GLYR1: variants seen among roughly 807,000 people sequenced by gnomAD.
GLYR1 encodes cytokine-like nuclear factor N-PAC.
Under a neutral mutation model 72.7 loss-of-function variants are expected in GLYR1, and 21 were observed. That is an observed-to-expected ratio of 0.29 (90% CI 0.20 to 0.42). The LOEUF is 0.42. GLYR1 is among the 10% of genes least tolerant of loss of function. The probability of loss-of-function intolerance (pLI) is 1.00; values close to 1 mark genes in which losing one functional copy is unlikely to be tolerated. For missense variants in GLYR1, 594 were observed against 712.1 expected (o/e 0.83, Z 1.89); for synonymous variants, 392 against 270.2 (o/e 1.45, Z -4.42).
At chr16:4,829,675 A>AC (rs2084660472) in intron 5 of GLYR1, among the ~76,000 whole-genome samples, 1 of 140,324 alleles carries the variant, frequency 7.1e-6, no homozygotes, top group Non-Finnish European at 1.6e-5. Flanking sequence ...TTTATATTAA[A>AC]TTTTTTTTTT....
chr16:4,805,456 T>C (rs2082911988), intron 15 of GLYR1, 146 bp from the exon 16 acceptor site: 2 of 693,774 alleles, frequency 2.9e-6, no homozygotes, highest in East Asian at 2.7e-5. Flanking sequence ...TGACCTTGCA[T>C]GAAGCACCTC....
chr16:4,837,252 C>T (rs1456083601), intron 3 of GLYR1, among the ~76,000 whole-genome samples: 1 of 151,826 alleles, frequency 6.6e-6, no homozygotes, highest in Non-Finnish European at 1.5e-5. Context: ...GCCAACATGG[C>T]GAAACCCCAT....
At chr16:4,817,328 C>A (rs1432664589) in intron 10 of GLYR1, among the ~76,000 whole-genome samples, 1 of 151,938 alleles carries the variant, frequency 6.6e-6, no homozygotes, top group Non-Finnish European at 1.5e-5. Context: ...ACCGTGTTAG[C>A]CAGGATGGTC....
intron 12 of GLYR1, among the ~76,000 whole-genome samples, chr16:4,812,455 G>C (rs911214543): frequency 1.5e-4 from 23 of 152,004 alleles, no homozygotes; most frequent in Admixed American, 9.8e-4. Flanking sequence ...CAGCAGTGAT[G>C]AGACGCTGGG....
intron 5 of GLYR1, among the ~76,000 whole-genome samples, chr16:4,825,469 T>C (rs1277044341): frequency 2.0e-5 from 3 of 152,226 alleles, no homozygotes; most frequent in Non-Finnish European, 4.4e-5. Flanking sequence ...AAATGTCACC[T>C]TATCAGAGTG....
chr16:4,814,701 C>A, intron 10 of GLYR1, 54 bp from the exon 11 acceptor site: 2 of 1,353,850 alleles, frequency 1.5e-6, no homozygotes, highest in South Asian at 1.2e-5. Context: ...AACAAACATG[C>A]CAGCCAGGCC....
chr16:4,812,888 C>T (rs1274024937), intron 12 of GLYR1, among the ~76,000 whole-genome samples: 1 of 150,632 alleles, frequency 6.6e-6, no homozygotes, highest in South Asian at 2.1e-4. Context: ...ACTCTGCCTC[C>T]CGGGTTCATG....
chr16:4,822,174 C>T (rs183465751), intron 7 of GLYR1, among the ~76,000 whole-genome samples: 2 of 152,338 alleles, frequency 1.3e-5, no homozygotes, highest in Non-Finnish European at 1.5e-5. Flanking sequence ...GCAACCTTTA[C>T]CTCCTGGGTT....
chr16:4,822,364 G>C (rs920638557), intron 7 of GLYR1, among the ~76,000 whole-genome samples: 12 of 151,990 alleles, frequency 7.9e-5, no homozygotes, highest in Non-Finnish European at 1.6e-4. Context: ...TGGGATTATA[G>C]GCATGAGCCA....
At chr16:4,811,143 T>C (rs767124643) in intron 15 of GLYR1, 27 bp downstream of exon 15, 1 of 1,595,946 alleles carries the variant, frequency 6.3e-7, no homozygotes, top group Admixed American at 1.8e-5. Flanking sequence ...CTGAAGGGCC[T>C]TGGGGCTTGG....
chr16:4,831,868 T>C, intron 5 of GLYR1, 111 bp downstream of exon 5: 1 of 1,435,480 alleles, frequency 7.0e-7, no homozygotes, highest in South Asian at 1.4e-5. Context: ...CTGCTCCCAC[T>C]CCATGAGCAG....
At chr16:4,835,763 G>A (rs551445736) in intron 3 of GLYR1, among the ~76,000 whole-genome samples, 8 of 152,226 alleles carry the variant, frequency 5.3e-5, no homozygotes, top group Non-Finnish European at 1.2e-4. Context: ...CCCAGGAGGC[G>A]GAGGTTGCAG....
At chr16:4,834,694 G>A (rs927166986) in intron 3 of GLYR1, among the ~76,000 whole-genome samples, 2 of 151,666 alleles carry the variant, frequency 1.3e-5, no homozygotes, top group African/African-American at 4.8e-5. Context: ...TTGAACTTCT[G>A]GCCTCCAGTG....
intron 7 of GLYR1, 200 bp from the exon 8 acceptor site, chr16:4,821,797 T>C (rs573785363): frequency 6.4e-5 from 40 of 620,250 alleles, no homozygotes; most frequent in African/African-American, 6.1e-4. Context: ...ACCAGGTCTT[T>C]TTGCTGACCA....
chr16:4,816,842 C>G (rs1436390226), intron 10 of GLYR1, among the ~76,000 whole-genome samples: 1 of 152,002 alleles, frequency 6.6e-6, no homozygotes, highest in African/African-American at 2.4e-5. Flanking sequence ...AAAAAATTAG[C>G]CAGGTGTGGT....
chr16:4,843,616 A>T (rs1437512665), intron 3 of GLYR1: 1 of 1,289,030 alleles, frequency 7.8e-7, no homozygotes, highest in Non-Finnish European at 1.0e-6. Flanking sequence ...TAAACATGAA[A>T]CCAGGAAGAG....
At chr16:4,808,912 G>A (rs1348893576) in intron 15 of GLYR1, among the ~76,000 whole-genome samples, 1 of 152,128 alleles carries the variant, frequency 6.6e-6, no homozygotes, top group Non-Finnish European at 1.5e-5. Context: ...GCTGCAGTGA[G>A]CTATAATTGT....
At chr16:4,821,245 C>T (rs1335315312) in intron 9 of GLYR1, 135 bp downstream of exon 9, 1 of 852,942 alleles carries the variant, frequency 1.2e-6, no homozygotes, top group Non-Finnish European at 1.9e-6. Context: ...ATAAGAGTTA[C>T]AACATCCCCC....
intron 3 of GLYR1, chr16:4,843,550 GCCA>G: frequency 4.7e-6 from 6 of 1,289,054 alleles, no homozygotes; most frequent in Non-Finnish European, 6.1e-6. Flanking sequence ...TTGAAATACT[GCCA>G]CCACAGGCTG....
Sources: gnomAD v4.1 joint callset for allele counts (sites outside exome capture counted in the v4.1 genomes callset) on GRCh38, gnomAD v4.1.1 for gene constraint, MANE v1.5 for transcripts, NCBI Gene and HGNC (gene_info 2026-07-23, HGNC 2026-07-21) for gene names.